Variants in CASD1 observed in about 807,000 individuals in gnomAD.
CASD1 encodes CAS1 domain sialic acid O acetyltransferase 1.
A neutral mutation model predicts 100.0 loss-of-function variants in CASD1; 41 were observed. That is an observed-to-expected ratio of 0.41 (90% CI 0.32 to 0.53). The LOEUF is 0.53. CASD1 is among the 20% of genes least tolerant of loss of function. CASD1 has a pLI of 0.25. For synonymous variants in CASD1, 321 were observed against 315.6 expected, an observed-to-expected ratio of 1.02 and a Z score of -0.18; for missense variants, 774 against 948.7, an observed-to-expected ratio of 0.82 and a Z score of 2.42.
rs2116443858 is a variant in CASD1, at chr7:94,556,465, A to T, written c.*707A>T. 1.3e-5 allele frequency: 2 copies of T among 151,866 alleles called. No homozygotes were observed. Among genetic ancestry groups the T allele is most frequent in the South Asian group, 2.1e-4 (1 of 4,802 alleles). 9.4% of individuals were successfully genotyped at this position (151,866 alleles called of 1,614,324 possible). A position where few individuals can be genotyped will look rare whatever the true frequency, so the allele number is the denominator to read the frequency against. On this transcript the variant is annotated 3_prime_UTR_variant, in exon 18 of 18. Transcript: ENST00000297273. ...TGCTTCGTTTTATAAAAAAGCCAAA[A>T]TTTTTTTTCCAATCCAAACGTTCAC...
At chr7:94,587,243 T>TA in the CASD1 span, 1 of 985,898 alleles carries the variant, frequency 1.0e-6, no homozygotes, top group African/African-American at 1.7e-5. Flanking sequence ...GAGTACTTGC[T>TA]AAAAAATCTA....
At chr7:94,616,948 C>G in the CASD1 span, 2 of 152,166 alleles carry the variant, frequency 1.3e-5, no homozygotes, top group Non-Finnish European at 2.9e-5. Context: ...GGGAAGGGAT[C>G]TGAGACAAGA....
chr7:94,591,128 C>A, the CASD1 span, among the ~76,000 whole-genome samples: 3 of 152,010 alleles, frequency 2.0e-5, no homozygotes, highest in Non-Finnish European at 4.4e-5. Flanking sequence ...CTTGTTTGTT[C>A]TTTCAGAATT....
chr7:94,547,050 C>T (rs1736034767), intron 12 of CASD1, 46 bp from the exon 13 acceptor site: 3 of 1,197,196 alleles, frequency 2.5e-6, no homozygotes, highest in Non-Finnish European at 3.6e-6. Flanking sequence ...AATATGTTGT[C>T]TAATATAAAT....
chr7:94,614,469 G>A, the CASD1 span, among the ~76,000 whole-genome samples: 6 of 152,140 alleles, frequency 3.9e-5, no homozygotes, highest in African/African-American at 1.4e-4. Flanking sequence ...GTCTTACATG[G>A]TCTGGTCTTT....
chr7:94,594,671 A>T, the CASD1 span: 3 of 152,136 alleles, frequency 2.0e-5, no homozygotes, highest in African/African-American at 7.2e-5. Context: ...GTACTGTAAG[A>T]TGTTAACAAC....
At chr7:94,538,536 CTG>C (rs1045572175) in intron 9 of CASD1, among the ~76,000 whole-genome samples, 24 of 152,044 alleles carry the variant, frequency 1.6e-4, no homozygotes, top group African/African-American at 5.6e-4. Flanking sequence ...GGAAAGTAAA[CTG>C]TAATAATAGA....
chr7:94,584,158 T>A, the CASD1 span, among the ~76,000 whole-genome samples: 2 of 152,236 alleles, frequency 1.3e-5, no homozygotes, highest in Non-Finnish European at 2.9e-5. Context: ...ATAAAGTTCC[T>A]GATTTCTCAT....
the CASD1 span, among the ~76,000 whole-genome samples, chr7:94,583,760 A>T: frequency 6.6e-6 from 1 of 152,316 alleles, no homozygotes; most frequent in East Asian, 1.9e-4. Context: ...TAAGTTTACC[A>T]TCAGGACCCA....
At chr7:94,554,885 CA>C (rs1216997479) in intron 17 of CASD1, among the ~76,000 whole-genome samples, 1 of 151,874 alleles carries the variant, frequency 6.6e-6, no homozygotes, top group Non-Finnish European at 1.5e-5. Context: ...AATATTAGAC[CA>C]GGTATATAAA....
At chr7:94,522,956 C>T (rs958538621) in intron 3 of CASD1, among the ~76,000 whole-genome samples, 16 of 152,012 alleles carry the variant, frequency 1.1e-4, no homozygotes, top group Non-Finnish European at 2.2e-4. Context: ...CCACTGCACC[C>T]GGCCAACTTT....
the CASD1 span, chr7:94,620,316 A>C: frequency 6.6e-6 from 1 of 152,166 alleles, no homozygotes. Context: ...TAGTTTTTCA[A>C]AGCCCTAATC....
At chr7:94,517,964 T>C (rs977413470) in intron 2 of CASD1, among the ~76,000 whole-genome samples, 1 of 152,220 alleles carries the variant, frequency 6.6e-6, no homozygotes, top group Non-Finnish European at 1.5e-5. Flanking sequence ...ATAATAGATA[T>C]AAAGCACCTA....
At chr7:94,541,412 TATC>T (rs1299053490) in intron 10 of CASD1, among the ~76,000 whole-genome samples, 3 of 151,830 alleles carry the variant, frequency 2.0e-5, no homozygotes, top group Admixed American at 6.6e-5. Flanking sequence ...GGTCTGACAT[TATC>T]ATTGTTAGTG....
the CASD1 span, chr7:94,624,251 T>C: frequency 2.5e-6 from 1 of 397,002 alleles, no homozygotes; most frequent in South Asian, 1.3e-4. Flanking sequence ...GAGGTGACAC[T>C]GAGACAAAAG....
At chr7:94,515,510 T>C (rs750184116) in intron 1 of CASD1, among the ~76,000 whole-genome samples, 1 of 151,914 alleles carries the variant, frequency 6.6e-6, no homozygotes, top group South Asian at 2.1e-4. Flanking sequence ...TAGTATTGAC[T>C]GGAGGCAAAA....
intron 10 of CASD1, among the ~76,000 whole-genome samples, chr7:94,543,385 G>C (rs1795514490): frequency 6.6e-6 from 1 of 152,178 alleles, no homozygotes; most frequent in Non-Finnish European, 1.5e-5. Context: ...CAGGCGCAGT[G>C]GCTCATGCCT....
chr7:94,625,301 G>A, the CASD1 span: 1 of 151,862 alleles, frequency 6.6e-6, no homozygotes, highest in Admixed American at 6.6e-5. Context: ...ATAAATGAAT[G>A]TGAAAATGAG....
downstream of CASD1, among the ~76,000 whole-genome samples, chr7:94,558,521 A>G (rs149181065): frequency 6.2e-4 from 94 of 152,274 alleles, no homozygotes; most frequent in African/African-American, 2.2e-3. Flanking sequence ...AAGATTGACA[A>G]TTTTGGTTGG....
Sources: gnomAD v4.1 joint callset for allele counts (sites outside exome capture counted in the v4.1 genomes callset) on GRCh38, gnomAD v4.1.1 for gene constraint, MANE v1.5 for transcripts, NCBI Gene and HGNC (gene_info 2026-07-23, HGNC 2026-07-21) for gene names.